The following KLHL29 variants were observed in gnomAD, a reference collection of about 807,000 sequenced individuals.
KLHL29 encodes the protein kelch like family member 29.
A neutral mutation model predicts 80.4 loss-of-function variants in KLHL29; 21 were observed. The ratio of observed to expected loss-of-function variants is 0.26; its 90% CI spans 0.19 to 0.38. The LOEUF (loss-of-function observed/expected upper bound fraction) is 0.38. Among genes scored for constraint, KLHL29 ranks in the 10% least tolerant of loss-of-function variants. The probability of loss-of-function intolerance (pLI) is 1.00; values close to 1 mark genes in which losing one functional copy is unlikely to be tolerated. For synonymous variants in KLHL29, 511 were observed against 526.8 expected, an observed-to-expected ratio of 0.97 and a Z score of 0.41; for missense variants, 867 against 1,223.9, an observed-to-expected ratio of 0.71 and a Z score of 4.35.
At position 23,696,784 on chromosome 2, in the gene KLHL29, C is replaced by T; in HGVS notation, c.2105+271C>T. 2.8e-6 allele frequency: 1 copy of T among 361,144 alleles called. No individual in the cohort carries two copies. The highest frequency in any genetic ancestry group is 3.9e-5 in the South Asian group (1 of 25,504). 22.4% of individuals were successfully genotyped at this position (361,144 alleles called of 1,614,324 possible). On this transcript the variant is annotated intron_variant, in intron 11 of 13. Coordinates refer to ENST00000486442, the MANE Select transcript of KLHL29 (RefSeq NM_052920.2). The surrounding 1 kb of genome is among the most constrained non-coding windows in gnomAD (Gnocchi z 5.5). ...CCCGACAACCCATTTAGGTGTCAGA[C>T]AAGCTGGAGGCCCAAGATCCAGTTG... is the stretch of plus-strand genomic sequence containing the variant.
chr2:23,408,996 G>A (rs982751560), intron 1 of KLHL29, among the ~76,000 whole-genome samples: 5 of 152,146 alleles, frequency 3.3e-5, no homozygotes, highest in South Asian at 2.1e-4. Context: ...GTTGGGGGGT[G>A]TGTGAGGGGC....
At chr2:23,531,118 G>A (rs192861873) in intron 2 of KLHL29, among the ~76,000 whole-genome samples, 4 of 152,342 alleles carry the variant, frequency 2.6e-5, no homozygotes, top group Admixed American at 2.6e-4. Flanking sequence ...GACTGTATCT[G>A]GGACTCGGCA....
At chr2:23,443,465 G>T (rs2103416584) in intron 1 of KLHL29, among the ~76,000 whole-genome samples, 1 of 152,212 alleles carries the variant, frequency 6.6e-6, no homozygotes, top group South Asian at 2.1e-4. Flanking sequence ...TGTCCCTCTA[G>T]TCTCTTACTC....
At chr2:23,655,077 G>A (rs537248601) in intron 5 of KLHL29, among the ~76,000 whole-genome samples, 1 of 152,192 alleles carries the variant, frequency 6.6e-6, no homozygotes, top group African/African-American at 2.4e-5. Flanking sequence ...CAAAACCGTT[G>A]TTGGGATGGC....
intron 1 of KLHL29, among the ~76,000 whole-genome samples, chr2:23,397,188 G>A (rs957838232): frequency 6.6e-6 from 1 of 152,188 alleles, no homozygotes; most frequent in Non-Finnish European, 1.5e-5. Context: ...CTGCCTTGAT[G>A]GGATAAAGGC....
chr2:23,417,096 C>T (rs773137733), intron 1 of KLHL29, among the ~76,000 whole-genome samples: 12 of 152,144 alleles, frequency 7.9e-5, no homozygotes, highest in Non-Finnish European at 1.0e-4. Flanking sequence ...AGCTGTTCCC[C>T]GGGGCCATCA....
intron 1 of KLHL29, among the ~76,000 whole-genome samples, chr2:23,401,096 C>T (rs922614192): frequency 1.3e-5 from 2 of 152,166 alleles, no homozygotes; most frequent in Non-Finnish European, 2.9e-5. Context: ...GGTCAGTTTC[C>T]TCTGCTGCCC....
intron 1 of KLHL29, among the ~76,000 whole-genome samples, chr2:23,397,681 C>T (rs1666484955): frequency 6.6e-6 from 1 of 152,180 alleles, no homozygotes; most frequent in Non-Finnish European, 1.5e-5. Context: ...ACACTGCTGC[C>T]TGGGAACTGA....
intron 2 of KLHL29, among the ~76,000 whole-genome samples, chr2:23,488,937 T>G (rs1343550746): frequency 2.6e-5 from 4 of 152,250 alleles, no homozygotes; most frequent in Non-Finnish European, 5.9e-5. Context: ...ATTCTCGGAC[T>G]TGGCCGGTCC....
At chr2:23,420,683 G>A (rs563005920) in intron 1 of KLHL29, among the ~76,000 whole-genome samples, 2 of 152,226 alleles carry the variant, frequency 1.3e-5, no homozygotes, top group Non-Finnish European at 2.9e-5. Flanking sequence ...GTGCCAGGGT[G>A]TCTGCAGAGT....
At chr2:23,625,372 G>T (rs566041946) in intron 3 of KLHL29, among the ~76,000 whole-genome samples, 1 of 152,336 alleles carries the variant, frequency 6.6e-6, no homozygotes. Context: ...AGCCTTAGAA[G>T]AAATTAAAAT....
At chr2:23,645,407 G>A (rs1438851698) in intron 5 of KLHL29, among the ~76,000 whole-genome samples, 1 of 152,070 alleles carries the variant, frequency 6.6e-6, no homozygotes. Flanking sequence ...GCTCCAGGCA[G>A]GAACAGGAGG....
Position 23,517,007 on chromosome 2 carries a change from A to G in KLHL29, c.-46+41340A>G, listed in dbSNP as rs1310675530. 2.6e-5 allele frequency among the ~76,000 whole-genome samples: 4 copies of G among 152,328 alleles called. No homozygotes were observed. The East Asian group carries it at 5.8e-4, about 22-fold the overall frequency. ...CCTGGGAGCAAGAGCCTGGGTCCAGAACCTTCCTGTCACAGGGAAAGTGCA... is the reference window on the plus strand; with the variant it reads ...CCTGGGAGCAAGAGCCTGGGTCCAGGACCTTCCTGTCACAGGGAAAGTGCA... On this transcript the variant is annotated intron_variant, in intron 2 of 13. Transcript: ENST00000486442.
chr2:23,424,869 A>G (rs146663515), intron 1 of KLHL29, among the ~76,000 whole-genome samples: 27 of 152,346 alleles, frequency 1.8e-4, no homozygotes, highest in Non-Finnish European at 3.1e-4. Context: ...CTTACGCTCA[A>G]AAATGCACGA....
At chr2:23,543,598 T>A (rs536740891) in intron 2 of KLHL29, among the ~76,000 whole-genome samples, 1 of 152,238 alleles carries the variant, frequency 6.6e-6, no homozygotes, top group Non-Finnish European at 1.5e-5. Context: ...TAACGTTTCA[T>A]TAGACCTTCC....
intron 3 of KLHL29, among the ~76,000 whole-genome samples, chr2:23,628,327 C>G (rs1167532640): frequency 6.6e-6 from 1 of 151,856 alleles, no homozygotes; most frequent in Non-Finnish European, 1.5e-5. Context: ...TTCCTGCACA[C>G]AGGACGGCTT....
intron 6 of KLHL29, chr2:23,688,923 G>C (rs542870225): frequency 1.3e-5 from 2 of 152,352 alleles, no homozygotes; most frequent in African/African-American, 4.8e-5. Flanking sequence ...CATCACGGGG[G>C]TGTCCCCTCT....
chr2:23,626,120 T>C (rs902530485), intron 3 of KLHL29, among the ~76,000 whole-genome samples: 2 of 152,160 alleles, frequency 1.3e-5, no homozygotes, highest in African/African-American at 4.8e-5. Flanking sequence ...AGTTTCTGGA[T>C]GAAACTATTC....
chr2:23,466,890 G>T (rs959988482), intron 1 of KLHL29, among the ~76,000 whole-genome samples: 3 of 152,194 alleles, frequency 2.0e-5, no homozygotes, highest in African/African-American at 7.2e-5. Context: ...TGACCTTTCT[G>T]GGGGACTTTC....
Sources: allele counts gnomAD v4.1 joint callset (sites outside exome capture counted in the v4.1 genomes callset), GRCh38; gene constraint gnomAD v4.1.1; non-coding constraint Gnocchi (gnomAD v3.1); transcripts MANE v1.5; gene names NCBI Gene and HGNC (gene_info 2026-07-23, HGNC 2026-07-21).